KLF12: variants seen among roughly 807,000 people sequenced by gnomAD.
KLF12 encodes KLF transcription factor 12.
In KLF12, 9 loss-of-function variants were observed where a neutral mutation model predicts 37.8. That is an observed-to-expected ratio of 0.24 (90% confidence interval 0.14 to 0.42). The LOEUF is 0.42. KLF12 is among the 10% of genes least tolerant of loss of function. KLF12 has a pLI of 1.00. For synonymous variants in KLF12, 208 were observed against 202.1 expected (o/e 1.03, Z -0.25); for missense variants, 411 against 516.0 (o/e 0.80, Z 1.97).
chr13:73,929,529 G>A (rs186442142), intron 3 of KLF12, among the ~76,000 whole-genome samples: 7 of 152,302 alleles, frequency 4.6e-5, no homozygotes, highest in East Asian at 1.9e-4. Context: ...ACATCTCACT[G>A]TATCAGCTGC....
chr13:73,826,025 T>G (rs952956570), intron 4 of KLF12, among the ~76,000 whole-genome samples: 1 of 151,678 alleles, frequency 6.6e-6, no homozygotes, highest in African/African-American at 2.4e-5. Context: ...CAGGCTGGAG[T>G]GCATTGGGAC....
chr13:74,045,593 G>A lies in KLF12; in HGVS notation c.-31-50540C>T, dbSNP rs190348258. Among the ~76,000 whole-genome samples the A allele has an allele frequency of 2.0e-5, 3 of 148,808 alleles. No homozygotes were observed. In the East Asian group the frequency reaches 5.9e-4, roughly 29 times the overall value. On this transcript the variant is annotated intron_variant, in intron 1 of 7. Coordinates refer to ENST00000377669, the MANE Select transcript of KLF12 (RefSeq NM_007249.5). ...GTAGGTTCTCAGATAACATCATTTT[G>A]TTCAGCATCATTTGATTACAGCATT...
intron 3 of KLF12, among the ~76,000 whole-genome samples, chr13:73,890,480 A>G (rs558573799): frequency 7.7e-4 from 117 of 152,180 alleles, no homozygotes; most frequent in African/African-American, 2.8e-3. Flanking sequence ...AAGTGGAGTT[A>G]TTTTCATATA....
the KLF12 span, among the ~76,000 whole-genome samples, chr13:74,183,337 A>G: frequency 6.6e-6 from 1 of 152,178 alleles, no homozygotes; most frequent in South Asian, 2.1e-4. Context: ...ATTTGCATCT[A>G]TCTAAGCCCC....
chr13:73,778,090 T>C (rs1050057203), intron 5 of KLF12, among the ~76,000 whole-genome samples: 4 of 147,964 alleles, frequency 2.7e-5, no homozygotes, highest in Non-Finnish European at 5.9e-5. Context: ...GCTGAGATCA[T>C]GCCACTGCAC....
rs544271224 is a variant in KLF12, at chr13:74,121,437, A to T, written c.-32+12302T>A. ...TGAATACATTAAAAGAAAAGAAAAA[A>T]GCTAATGACCATTATCCCATTAAAC... On this transcript the variant is annotated intron_variant, in intron 1 of 7. Coordinates refer to ENST00000377669, the MANE Select transcript of KLF12 (RefSeq NM_007249.5). 2.6e-5 allele frequency among the ~76,000 whole-genome samples: 4 copies of T among 152,214 alleles called. No homozygotes were observed. The East Asian group carries it at 5.8e-4, about 22-fold the overall frequency.
At chr13:74,274,565 T>C in the KLF12 span, among the ~76,000 whole-genome samples, 8 of 152,296 alleles carry the variant, frequency 5.3e-5, no homozygotes, top group South Asian at 6.2e-4. Flanking sequence ...CTTATTTATG[T>C]ATCTGGTGGC....
At chr13:74,246,293 T>C in the KLF12 span, among the ~76,000 whole-genome samples, 2 of 152,216 alleles carry the variant, frequency 1.3e-5, no homozygotes, top group Non-Finnish European at 2.9e-5. Context: ...GAATAGCACA[T>C]TCTTGTACTC....
chr13:73,812,449 C>T (rs1435778819), intron 5 of KLF12, among the ~76,000 whole-genome samples: 1 of 151,004 alleles, frequency 6.6e-6, no homozygotes, highest in African/African-American at 2.4e-5. Flanking sequence ...AAACATTTCA[C>T]TATGTACATG....
In KLF12 at chr13:74,044,345, C is replaced by CT. The variant is rs370440480; in HGVS notation, c.-31-49293dup. On this transcript the variant is annotated intron_variant, in intron 1 of 7. Transcript: ENST00000377669. ...ACACCCCGCACCCAGATCTTGGTTTCTAATACCATTTGTCAATAAGAGGAA... is the reference window on the plus strand; with the variant it reads ...ACACCCCGCACCCAGATCTTGGTTTCTTAATACCATTTGTCAATAAGAGGAA... Among the ~76,000 whole-genome samples, 212 of 152,204 alleles carry CT rather than the reference C, an allele frequency of 1.4e-3. 1 individual carries two copies. Among genetic ancestry groups the CT allele is most frequent in the African/African-American group, 4.8e-3 (198 of 41,532 alleles).
intron 2 of KLF12, among the ~76,000 whole-genome samples, chr13:73,968,327 C>A (rs1482391133): frequency 6.6e-6 from 1 of 152,146 alleles, no homozygotes; most frequent in African/African-American, 2.4e-5. Flanking sequence ...TACCTTATGA[C>A]ATCTATTTGT....
At chr13:74,029,074 G>GAA (rs1477632361) in intron 1 of KLF12, among the ~76,000 whole-genome samples, 1 of 151,950 alleles carries the variant, frequency 6.6e-6, no homozygotes, top group Non-Finnish European at 1.5e-5. Flanking sequence ...TATAAATGAG[G>GAA]AAAGTGAATC....
intron 6 of KLF12, among the ~76,000 whole-genome samples, chr13:73,744,317 C>T (rs994756608): frequency 3.3e-5 from 5 of 152,132 alleles, no homozygotes; most frequent in Non-Finnish European, 7.4e-5. Flanking sequence ...ACTTCAATTT[C>T]ATCACTGACA....
chr13:73,726,484 A>T (rs11842989), intron 6 of KLF12, among the ~76,000 whole-genome samples: 23,507 of 152,138 alleles, frequency 0.15, 3,037 homozygotes, highest in African/African-American at 0.35. Context: ...CTACTTTCTA[A>T]GAATTTGTCT....
At chr13:73,939,045 C>T (rs185321029) in intron 3 of KLF12, among the ~76,000 whole-genome samples, 190 of 152,312 alleles carry the variant, frequency 1.2e-3, no homozygotes, top group African/African-American at 3.3e-3. Context: ...GTTTCTGCCG[C>T]ACTATTGCCG....
chr13:74,267,707 T>TA, the KLF12 span, among the ~76,000 whole-genome samples: 11 of 152,152 alleles, frequency 7.2e-5, no homozygotes, highest in Non-Finnish European at 1.3e-4. Flanking sequence ...ATTGTATAGT[T>TA]AAAAATATCT....
At chr13:74,178,119 A>T in the KLF12 span, among the ~76,000 whole-genome samples, 10 of 152,156 alleles carry the variant, frequency 6.6e-5, no homozygotes, top group African/African-American at 2.4e-4. Flanking sequence ...CCAGTTTTTA[A>T]ATGTATGCTT....
chr13:74,007,378 C>T (rs970273821), intron 1 of KLF12, among the ~76,000 whole-genome samples: 1 of 151,748 alleles, frequency 6.6e-6, no homozygotes, highest in Non-Finnish European at 1.5e-5. Context: ...CCCGGGTTCA[C>T]GTCATTCTCC....
intron 2 of KLF12, among the ~76,000 whole-genome samples, chr13:73,952,697 C>T (rs781305692): frequency 2.6e-5 from 4 of 152,092 alleles, no homozygotes; most frequent in African/African-American, 4.8e-5. Flanking sequence ...GACAGCTTGA[C>T]GTAAAAGGGG....
Sources: gnomAD v4.1 joint callset for allele counts (sites outside exome capture counted in the v4.1 genomes callset) on GRCh38, gnomAD v4.1.1 for gene constraint, MANE v1.5 for transcripts, NCBI Gene and HGNC (gene_info 2026-07-23, HGNC 2026-07-21) for gene names.